Variants in CDH17 observed in about 807,000 individuals in gnomAD.
CDH17 encodes the protein cadherin-17.
Under a neutral mutation model 86.3 loss-of-function variants are expected in CDH17, and 67 were observed. The observed-to-expected ratio is 0.78, with a 90% CI of 0.64 to 0.95. The LOEUF (loss-of-function observed/expected upper bound fraction) is 0.95. Among genes scored for constraint, CDH17 ranks in the 40% least tolerant of loss-of-function variants. The pLI is 0.00. For synonymous variants in CDH17, 367 were observed against 366.4 expected (o/e 1.00, Z -0.02); for missense variants, 993 against 1,017.6 (o/e 0.98, Z 0.33).
rs368656673 is a variant in CDH17, at chr8:94,165,788, T to G, written c.1255A>C (p.Asn419His). 1.9e-6 allele frequency: 3 copies of G among 1,612,816 alleles called. No homozygotes were observed. The African/African-American group carries it at 4.0e-5, about 22-fold the overall frequency. Reference protein sequence around the residue: ...SLKKQDTPQYNLTIEVSDKDF... With the variant: ...SLKKQDTPQYHLTIEVSDKDF... ...TTGTCAGACACCTCTATCGTTAAGTTGTACTGAGGAGTATCTTGCTTCTTC... is the reference window on the plus strand; with the variant it reads ...TTGTCAGACACCTCTATCGTTAAGTGGTACTGAGGAGTATCTTGCTTCTTC... The change falls in exon 10 of 18, where the codon AAC (asparagine) becomes CAC (histidine). Residue 419 changes from asparagine (N) to histidine (H), a missense_variant. Asn to His is a moderately conservative substitution (Grantham distance 68, BLOSUM62 1). Coordinates refer to ENST00000027335, the MANE Select transcript of CDH17 (RefSeq NM_004063.4).
intron 7 of CDH17, among the ~76,000 whole-genome samples, chr8:94,172,481 T>C (rs58087219): frequency 0.029 from 4,470 of 152,218 alleles, 229 homozygotes; most frequent in African/African-American, 0.1. Context: ...TACTTCTTCA[T>C]AATAATACCT....
chr8:94,136,611 G>T (rs1310675956), intron 15 of CDH17, among the ~76,000 whole-genome samples: 1 of 152,196 alleles, frequency 6.6e-6, no homozygotes, highest in Non-Finnish European at 1.5e-5. Flanking sequence ...AGAGAAGTTT[G>T]TTATTACCAA....
intron 12 of CDH17, among the ~76,000 whole-genome samples, chr8:94,159,089 G>A (rs575685399): frequency 2.3e-4 from 35 of 152,186 alleles, no homozygotes; most frequent in African/African-American, 7.7e-4. Context: ...TACATTGGAC[G>A]GCATTGAGTG....
chr8:94,210,310 C>T (rs936560522), upstream of CDH17, among the ~76,000 whole-genome samples: 1 of 150,216 alleles, frequency 6.7e-6, no homozygotes, highest in African/African-American at 2.5e-5. Flanking sequence ...TGGCCAAGTT[C>T]CGAAATGGGG....
rs142743259 is a variant in CDH17 at position 94,146,080 on chromosome 8, G to A, written c.2015C>T (p.Thr672Met). ...GAGGGGATGGCAGAAGAACAAGCCC[G>A]TGTAGTCCTTGGCTAGCCTGGGAGG... ...DNPPRLAKDYTGLFFCHPLSA... is the reference protein window; with the variant it reads ...DNPPRLAKDYMGLFFCHPLSA... Residue 672 changes from threonine to methionine, a missense_variant, in exon 15 of 18, where the codon ACG (threonine) becomes ATG (methionine). Thr to Met is a moderately conservative substitution (Grantham distance 81). Transcript: ENST00000027335. The A allele has an allele frequency of 2.5e-5, 40 of 1,613,276 alleles. No individual in the cohort carries two copies. The highest frequency in any genetic ancestry group is 2.0e-4 in the African/African-American group (15 of 74,848).
intron 3 of CDH17, among the ~76,000 whole-genome samples, chr8:94,183,273 A>G (rs1813516114): frequency 6.6e-6 from 1 of 152,152 alleles, no homozygotes; most frequent in South Asian, 2.1e-4. Context: ...TTCATATGGA[A>G]CTACAGGGGA....
At position 94,146,163 on chromosome 8, in the gene CDH17, C is replaced by T. The variant is rs537643053; in HGVS notation, c.1932G>A (p.Gly644=). 10 of 1,536,464 alleles carry T rather than the reference C, an allele frequency of 6.5e-6. No individual in the cohort carries two copies. Among genetic ancestry groups the T allele is most frequent in the African/African-American group, 1.4e-5 (1 of 71,600 alleles). The part of the protein sequence containing the change: ...RVQVVATEVG[G]SSLSSVSEFH... Reference sequence around the variant, plus strand: ...ACTCTGACACAGAGCTCAAGGAAGACCCCCCTAAGGAATTGAATGATTGAA... The same window carrying T: ...ACTCTGACACAGAGCTCAAGGAAGATCCCCCTAAGGAATTGAATGATTGAA... The change falls in exon 15 of 18, where the codon GGG becomes GGA. Residue 644 remains glycine, a synonymous_variant. Coordinates refer to ENST00000027335, the MANE Select transcript of CDH17 (RefSeq NM_004063.4).
intron 13 of CDH17, among the ~76,000 whole-genome samples, chr8:94,150,833 T>G (rs1343596040): frequency 6.6e-6 from 1 of 152,218 alleles, no homozygotes; most frequent in Non-Finnish European, 1.5e-5. Context: ...TAAAAACATT[T>G]TGTGTCTTCT....
intron 1 of CDH17, among the ~76,000 whole-genome samples, chr8:94,213,999 G>A (rs922408319): frequency 7.2e-5 from 11 of 152,096 alleles, no homozygotes; most frequent in South Asian, 6.2e-4. Context: ...CCAACATCTC[G>A]AGTCTCTCTC....
intron 15 of CDH17, 76 bp from the exon 16 acceptor site, chr8:94,131,068 A>G (rs1003466932): frequency 1.8e-5 from 14 of 794,778 alleles, no homozygotes; most frequent in Middle Eastern, 2.3e-4. Context: ...ATTTTGTATC[A>G]CATACTAAGG....
intron 2 of CDH17, among the ~76,000 whole-genome samples, chr8:94,192,854 C>A (rs1265950548): frequency 6.6e-6 from 1 of 152,138 alleles, no homozygotes; most frequent in Non-Finnish European, 1.5e-5. Flanking sequence ...TGTTTCTAAC[C>A]CTCTGATAAA....
chr8:94,215,225 T>A (rs2129682917), intron 1 of CDH17, among the ~76,000 whole-genome samples: 1 of 152,312 alleles, frequency 6.6e-6, no homozygotes, highest in African/African-American at 2.4e-5. Context: ...AGCCAAGAGA[T>A]AGAAACAACC....
chr8:94,170,974 A>G lies in CDH17; in HGVS notation c.795T>C (p.Asn265=), dbSNP rs749545187. ...HPIKITQVRW[N]DPGAQYSLVD... is the part of the protein sequence containing the mutation. ...CTAAGGAATATTGTGCACCGGGATC[A>G]TTCCACCGCACCTACAGGGCCCAAA... Residue 265 remains asparagine (N), a synonymous_variant, in exon 8 of 18, where the codon AAT becomes AAC. Transcript: ENST00000027335. 3 of 1,613,730 alleles carry G rather than the reference A, an allele frequency of 1.9e-6. No individual in the cohort carries two copies. Among genetic ancestry groups the G allele is most frequent in the East Asian group, 4.5e-5 (2 of 44,838 alleles).
chr8:94,158,920 T>C (rs1812996520), intron 12 of CDH17, among the ~76,000 whole-genome samples: 1 of 152,228 alleles, frequency 6.6e-6, no homozygotes, highest in Non-Finnish European at 1.5e-5. Flanking sequence ...TCAGTTTTCT[T>C]TTATTCTGGC....
At chr8:94,166,737 C>T (rs1813165519) in intron 9 of CDH17, among the ~76,000 whole-genome samples, 1 of 152,194 alleles carries the variant, frequency 6.6e-6, no homozygotes, top group Non-Finnish European at 1.5e-5. Flanking sequence ...ACAGGTGCCC[C>T]TATAAGAAGG....
chr8:94,164,840 T>C (rs893548622), intron 10 of CDH17, among the ~76,000 whole-genome samples: 16 of 152,238 alleles, frequency 1.1e-4, no homozygotes, highest in Non-Finnish European at 2.1e-4. Context: ...TCTGTGCACA[T>C]TTGTTTAACA....
At chr8:94,168,097 A>AATATAT (rs529264296) in intron 9 of CDH17, among the ~76,000 whole-genome samples, 81 of 50,644 alleles carry the variant, frequency 1.6e-3, no homozygotes, top group South Asian at 1.9e-3. Flanking sequence ...TACACTGGGG[A>AATATAT]ATATATATAT....
At chr8:94,160,305 A>G in intron 11 of CDH17, 143 bp from the exon 12 acceptor site, 2 of 609,660 alleles carry the variant, frequency 3.3e-6, no homozygotes, top group Non-Finnish European at 5.6e-6. Flanking sequence ...CTATTGATGA[A>G]TATATTGCAG....
intron 15 of CDH17, 39 bp downstream of exon 15, chr8:94,145,889 T>A: frequency 1.3e-6 from 2 of 1,587,762 alleles, no homozygotes; most frequent in East Asian, 4.5e-5. Context: ...ACTTTCATCA[T>A]CCATCTATGT....
Sources: allele counts gnomAD v4.1 joint callset (sites outside exome capture counted in the v4.1 genomes callset), GRCh38; gene constraint gnomAD v4.1.1; transcripts MANE v1.5; gene names NCBI Gene and HGNC (gene_info 2026-07-23, HGNC 2026-07-21).